Variants in SNX13 observed in about 807,000 individuals in gnomAD.
SNX13 encodes sorting nexin 13, also known as sorting nexin-13.
In SNX13, 45 loss-of-function variants were observed where a neutral mutation model predicts 133.6. That is an observed-to-expected ratio of 0.34 (90% CI 0.27 to 0.43). The LOEUF (loss-of-function observed/expected upper bound fraction) is 0.43. Among genes scored for constraint, SNX13 ranks in the 20% least tolerant of loss-of-function variants. The pLI, the probability that SNX13 is intolerant of heterozygous loss-of-function variation, is 1.00. For missense variants in SNX13, 1,032 were observed against 1,145.1 expected (o/e 0.90, Z 1.43); for synonymous variants, 414 against 373.9 (o/e 1.11, Z -1.24).
Position 17,858,790 on chromosome 7 carries a change from G to C in SNX13, c.838-7826C>G, listed in dbSNP as rs529607393. Among the ~76,000 whole-genome samples the C allele has an allele frequency of 9.9e-5, 15 of 152,176 alleles. No individual in the cohort carries two copies. In the South Asian group the frequency reaches 3.1e-3, roughly 32 times the overall value. On this transcript the variant is annotated intron_variant, in intron 9 of 25. Coordinates refer to ENST00000428135, the MANE Select transcript of SNX13 (RefSeq NM_015132.5). ...ACACAAAGAGAGCAACAGAAAAGAA[G>C]AGGCCAGAATCAGAACCAAACATAT...
intron 9 of SNX13, among the ~76,000 whole-genome samples, chr7:17,864,893 A>G (rs1793193786): frequency 6.6e-6 from 1 of 152,172 alleles, no homozygotes; most frequent in Non-Finnish European, 1.5e-5. Flanking sequence ...TACGTCTGGC[A>G]GCACACATCT....
intron 5 of SNX13, among the ~76,000 whole-genome samples, chr7:17,878,151 C>A (rs1039021929): frequency 6.6e-6 from 1 of 151,972 alleles, no homozygotes; most frequent in Non-Finnish European, 1.5e-5. Flanking sequence ...TCTATTAGAG[C>A]TCTTAGTATC....
chr7:17,903,072 T>C (rs1798013488), intron 1 of SNX13, among the ~76,000 whole-genome samples: 1 of 152,154 alleles, frequency 6.6e-6, no homozygotes, highest in African/African-American at 2.4e-5. Context: ...TACTTTAATA[T>C]AGTACCATTT....
rs1332394612 is a variant in SNX13, at chr7:17,834,883, T to A, written c.1360-18A>T. ...GGAGATGCCTAACAGAGAAAAATAA[T>A]AGTAATGATCTCTGTAATTTCTTAA... On this transcript the variant is annotated intron_variant, in intron 13 of 25. Coordinates refer to ENST00000428135, the MANE Select transcript of SNX13 (RefSeq NM_015132.5). 7.1e-7 allele frequency: 1 copy of A among 1,403,834 alleles called. No individual in the cohort carries two copies. The highest frequency in any genetic ancestry group is 2.3e-5 in the East Asian group (1 of 43,588). 87.0% of individuals were successfully genotyped at this position (1,403,834 alleles called of 1,614,324 possible). A position where few individuals can be genotyped will look rare whatever the true frequency, so the allele number is the denominator to read the frequency against.
chr7:17,872,906 T>C (rs1424514780), intron 8 of SNX13, among the ~76,000 whole-genome samples: 5 of 152,208 alleles, frequency 3.3e-5, no homozygotes, highest in Admixed American at 1.3e-4. Flanking sequence ...AACTTTACTC[T>C]GAAGGTTTAT....
At chr7:17,811,662 G>A (rs1247021616) in intron 20 of SNX13, among the ~76,000 whole-genome samples, 1 of 152,120 alleles carries the variant, frequency 6.6e-6, no homozygotes, top group Non-Finnish European at 1.5e-5. Flanking sequence ...AATTTCATAT[G>A]GAAGTAAAAA....
At chr7:17,830,758 T>C in intron 15 of SNX13, 1 of 978,060 alleles carries the variant, frequency 1.0e-6, no homozygotes, top group Non-Finnish European at 1.2e-6. Context: ...ATTAAGGTGT[T>C]CCTTTATTAA....
At chr7:17,803,987 T>C (rs1470398074) in intron 20 of SNX13, among the ~76,000 whole-genome samples, 1 of 150,926 alleles carries the variant, frequency 6.6e-6, no homozygotes, top group Non-Finnish European at 1.5e-5. Context: ...ATCTCAGGAG[T>C]TCAAGGCTGC....
chr7:17,835,159 T>C lies in SNX13; in HGVS notation c.1360-294A>G, dbSNP rs1051837296. 7.2e-5 allele frequency among the ~76,000 whole-genome samples: 11 copies of C among 151,936 alleles called. No individual in the cohort carries two copies. The South Asian group carries it at 1.0e-3, about 14-fold the overall frequency. ...TACCCCATCTGTAAAATGGAGATAATACTATATAAGGTTATTTAGGATTAT... is the reference window on the plus strand; with the variant it reads ...TACCCCATCTGTAAAATGGAGATAACACTATATAAGGTTATTTAGGATTAT... On this transcript the variant is annotated intron_variant, in intron 13 of 25. Coordinates refer to ENST00000428135, the MANE Select transcript of SNX13 (RefSeq NM_015132.5).
chr7:17,920,826 T>A (rs1393958693), intron 1 of SNX13, among the ~76,000 whole-genome samples: 1 of 152,200 alleles, frequency 6.6e-6, no homozygotes, highest in Non-Finnish European at 1.5e-5. Flanking sequence ...TCTTGTATGT[T>A]GAAAAAGTGA....
chr7:17,832,509 A>G, intron 15 of SNX13: 1 of 980,146 alleles, frequency 1.0e-6, no homozygotes, highest in Non-Finnish European at 1.2e-6. Context: ...AATTTCTAAA[A>G]TAGATAAAAT....
In SNX13 at chr7:17,890,683, T is replaced by C. The variant is rs895048906; in HGVS notation, c.319-199A>G. 3.3e-5 allele frequency among the ~76,000 whole-genome samples: 5 copies of C among 151,482 alleles called. No individual in the cohort carries two copies. The South Asian group carries it at 1.0e-3, about 32-fold the overall frequency. ...CAAACATTTTTAAATTATTCTGGTA[T>C]CCCAACTTACCTACTGCCTAGATTT... On this transcript the variant is annotated intron_variant, in intron 4 of 25. Transcript: ENST00000428135.
At position 17,831,001 on chromosome 7, in the gene SNX13, G is replaced by C. The variant is rs1788424570; in HGVS notation, c.1598-954C>G. On this transcript the variant is annotated intron_variant, in intron 15 of 25. Transcript: ENST00000428135. ...ATAAAAAAATGGGAATTTCACCTAG[G>C]ATTATCCCTTGGTGATACTTAAAAT... 1.2e-5 allele frequency: 12 copies of C among 984,138 alleles called. No individual in the cohort carries two copies. In the South Asian group the frequency reaches 4.2e-4, roughly 35 times the overall value. The allele number at this position is 984,138 out of a possible 1,614,324, so 61.0% of individuals were successfully genotyped here. A position where few individuals can be genotyped will look rare whatever the true frequency, so the allele number is the denominator to read the frequency against.
intron 5 of SNX13, among the ~76,000 whole-genome samples, chr7:17,884,594 C>G (rs1348836709): frequency 1.3e-5 from 2 of 152,122 alleles, no homozygotes; most frequent in East Asian, 3.9e-4. Flanking sequence ...ATAGAGTTCC[C>G]ACTTGTGACT....
intron 9 of SNX13, among the ~76,000 whole-genome samples, chr7:17,857,725 C>G (rs922100976): frequency 1.3e-5 from 2 of 151,856 alleles, no homozygotes; most frequent in Non-Finnish European, 1.5e-5. Flanking sequence ...GTGGAGGTTA[C>G]AGTGAGCTGA....
Position 17,816,571 on chromosome 7 carries a change from G to A in SNX13, c.1846-282C>T, listed in dbSNP as rs925900157. 2.6e-5 allele frequency among the ~76,000 whole-genome samples: 4 copies of A among 152,216 alleles called. No homozygotes were observed. The East Asian group carries it at 5.8e-4, about 22-fold the overall frequency. ...AGCTACTTGGGAGGATGAGGGAGGAGAGAATAGCTTGAACCCAGAAGGTAG... is the reference window on the plus strand; with the variant it reads ...AGCTACTTGGGAGGATGAGGGAGGAAAGAATAGCTTGAACCCAGAAGGTAG... On this transcript the variant is annotated intron_variant, in intron 18 of 25. Coordinates refer to ENST00000428135, the MANE Select transcript of SNX13 (RefSeq NM_015132.5).
rs78415088 is a variant in SNX13, at chr7:17,834,297, A to G, written c.1465-113T>C. 1.7e-5 allele frequency: 15 copies of G among 892,796 alleles called. No homozygotes were observed. In the East Asian group the frequency reaches 4.0e-4, roughly 24 times the overall value. The allele number at this position is 892,796 out of a possible 1,614,324, so 55.3% of individuals were successfully genotyped here. On this transcript the variant is annotated intron_variant, in intron 14 of 25. Coordinates refer to ENST00000428135, the MANE Select transcript of SNX13 (RefSeq NM_015132.5). ...GGTCTTGCCATAATGTATCATAGTTACAAGCTGTCAGCAATAAGACTATTT... is the reference window on the plus strand; with the variant it reads ...GGTCTTGCCATAATGTATCATAGTTGCAAGCTGTCAGCAATAAGACTATTT...
chr7:17,892,701 A>G (rs1363301867), intron 3 of SNX13, among the ~76,000 whole-genome samples: 1 of 152,262 alleles, frequency 6.6e-6, no homozygotes, highest in East Asian at 1.9e-4. Flanking sequence ...AGATAAATTA[A>G]TAACTGTAAA....
intron 1 of SNX13, among the ~76,000 whole-genome samples, chr7:17,916,732 T>G (rs142643933): frequency 6.7e-6 from 1 of 149,216 alleles, no homozygotes; most frequent in Non-Finnish European, 1.5e-5. Context: ...CTACCAGATA[T>G]ACAAAGAAGA....
Sources: gnomAD v4.1 joint callset for allele counts (sites outside exome capture counted in the v4.1 genomes callset) on GRCh38, gnomAD v4.1.1 for gene constraint, MANE v1.5 for transcripts, NCBI Gene and HGNC (gene_info 2026-07-23, HGNC 2026-07-21) for gene names.